Variants in WASF3 observed in about 807,000 individuals in gnomAD.
The protein encoded by WASF3 is actin-binding protein WASF3.
In WASF3, 11 loss-of-function variants were observed where a neutral mutation model predicts 46.6. The observed-to-expected ratio is 0.24, with a 90% confidence interval of 0.15 to 0.39. The LOEUF (loss-of-function observed/expected upper bound fraction) is 0.39, where lower values mean the gene tolerates loss of function less well. Among genes scored for constraint, WASF3 ranks in the 10% least tolerant of loss-of-function variants. The probability of loss-of-function intolerance (pLI) is 1.00; values close to 1 mark genes in which losing one functional copy is unlikely to be tolerated. For synonymous variants in WASF3, 242 were observed against 259.7 expected, an observed-to-expected ratio of 0.93 and a Z score of 0.65; for missense variants, 576 against 669.8, an observed-to-expected ratio of 0.86 and a Z score of 1.55.
chr13:26,668,443 G>A (rs1882834815), intron 5 of WASF3, among the ~76,000 whole-genome samples: 1 of 152,230 alleles, frequency 6.6e-6, no homozygotes, highest in Admixed American at 6.5e-5. Context: ...ACAAGCACAG[G>A]CTGTGGTGAC....
intron 1 of WASF3, among the ~76,000 whole-genome samples, chr13:26,574,999 G>T (rs1879750946): frequency 6.6e-6 from 1 of 151,934 alleles, no homozygotes; most frequent in African/African-American, 2.4e-5. Context: ...ACCACGCCCG[G>T]CTAATTTTTT....
At chr13:26,618,425 A>AT (rs1250716912) in intron 2 of WASF3, among the ~76,000 whole-genome samples, 5 of 151,996 alleles carry the variant, frequency 3.3e-5, no homozygotes, top group African/African-American at 1.2e-4. Context: ...ATTATTATGA[A>AT]TTTGAGACAT....
chr13:26,629,075 G>T (rs1410653576), intron 2 of WASF3, among the ~76,000 whole-genome samples: 1 of 152,226 alleles, frequency 6.6e-6, no homozygotes, highest in African/African-American at 2.4e-5. Flanking sequence ...TCCTGTCGAT[G>T]GGCCCACGCT....
At chr13:26,552,958 A>T (rs895670186), upstream of WASF3, among the ~76,000 whole-genome samples, 2 of 152,244 alleles carry the variant, frequency 1.3e-5, no homozygotes, top group African/African-American at 4.8e-5. Flanking sequence ...AATTAAGAGG[A>T]TGCCTAAGCT....
At position 26,594,346 on chromosome 13, in the gene WASF3, T is replaced by C. The variant is rs532106024; in HGVS notation, c.-108-18615T>C. The stretch of plus-strand genomic sequence containing the variant: ...ATCACCATCTCCAAAAGTGTAATTA[T>C]TTTTCCATCAAAACCTGCTCTTTGC... On this transcript the variant is annotated intron_variant, in intron 1 of 9. Coordinates refer to ENST00000335327, the MANE Select transcript of WASF3 (RefSeq NM_006646.6). Among the ~76,000 whole-genome samples, 14 of 152,326 alleles carry C rather than the reference T, an allele frequency of 9.2e-5. No individual in the cohort carries two copies. The South Asian group carries it at 2.9e-3, about 32-fold the overall frequency.
chr13:26,601,376 A>G (rs1202998839), intron 1 of WASF3, among the ~76,000 whole-genome samples: 7 of 138,978 alleles, frequency 5.0e-5, no homozygotes, highest in Admixed American at 2.3e-4. Flanking sequence ...GTGGAGTTCT[A>G]TAGTCATTTA....
intron 2 of WASF3, among the ~76,000 whole-genome samples, chr13:26,627,917 T>TA (rs1566055844): frequency 6.7e-6 from 1 of 149,398 alleles, no homozygotes; most frequent in East Asian, 2.0e-4. Flanking sequence ...AAAAATAAAA[T>TA]AAAATAAAAT....
upstream of WASF3, among the ~76,000 whole-genome samples, chr13:26,555,604 A>C (rs1288159821): frequency 6.6e-6 from 1 of 152,152 alleles, no homozygotes; most frequent in Non-Finnish European, 1.5e-5. Flanking sequence ...CCATCCCCCT[A>C]CCATTTTCCT....
chr13:26,608,245 T>C (rs1880863018), intron 1 of WASF3, among the ~76,000 whole-genome samples: 1 of 152,200 alleles, frequency 6.6e-6, no homozygotes, highest in South Asian at 2.1e-4. Context: ...TAGGCAGTTA[T>C]TCATTAAATG....
chr13:26,569,432 G>C (rs1879568046), intron 1 of WASF3, among the ~76,000 whole-genome samples: 1 of 152,144 alleles, frequency 6.6e-6, no homozygotes, highest in South Asian at 2.1e-4. Flanking sequence ...AAGGTAGCTA[G>C]AAAACCTTTT....
the WASF3 span, among the ~76,000 whole-genome samples, chr13:26,542,094 C>T: frequency 6.6e-6 from 1 of 151,070 alleles, no homozygotes; most frequent in African/African-American, 2.4e-5. Context: ...ACCGAAATCT[C>T]CACCCAGGCA....
chr13:26,657,714 T>C (rs931483825), intron 3 of WASF3, among the ~76,000 whole-genome samples: 1 of 152,274 alleles, frequency 6.6e-6, no homozygotes, highest in Non-Finnish European at 1.5e-5. Context: ...TGCTCCATAA[T>C]TCAGAATTAG....
At chr13:26,553,112 T>C (rs1879004580), upstream of WASF3, among the ~76,000 whole-genome samples, 1 of 152,216 alleles carries the variant, frequency 6.6e-6, no homozygotes, top group Non-Finnish European at 1.5e-5. Flanking sequence ...ATCGTAATGC[T>C]AGACAGCTGC....
intron 1 of WASF3, among the ~76,000 whole-genome samples, chr13:26,582,874 C>T (rs891195439): frequency 6.6e-6 from 1 of 152,002 alleles, no homozygotes; most frequent in African/African-American, 2.4e-5. Context: ...TGTTCTGAGA[C>T]CATACCTTGG....
intron 1 of WASF3, among the ~76,000 whole-genome samples, chr13:26,583,879 CA>C (rs1880054551): frequency 6.6e-6 from 1 of 152,126 alleles, no homozygotes; most frequent in East Asian, 1.9e-4. Flanking sequence ...TCAAGTAGCC[CA>C]AAAAGGTTTG....
At chr13:26,659,991 T>C (rs1440026581) in intron 3 of WASF3, among the ~76,000 whole-genome samples, 4 of 152,064 alleles carry the variant, frequency 2.6e-5, no homozygotes, top group African/African-American at 7.2e-5. Flanking sequence ...GGTAGAAATT[T>C]AGGAATCATC....
At chr13:26,663,923 C>A (rs556562864) in intron 3 of WASF3, among the ~76,000 whole-genome samples, 19 of 152,300 alleles carry the variant, frequency 1.2e-4, no homozygotes, top group Admixed American at 9.2e-4. Flanking sequence ...GGACGGATCA[C>A]CTTTCTGATC....
chr13:26,632,080 G>C (rs1325286206), intron 2 of WASF3, among the ~76,000 whole-genome samples: 1 of 152,178 alleles, frequency 6.6e-6, no homozygotes, highest in South Asian at 2.1e-4. Flanking sequence ...GGGCTGAGAC[G>C]ATGGGGTTTT....
At chr13:26,655,794 C>T (rs1882448224) in intron 3 of WASF3, among the ~76,000 whole-genome samples, 1 of 152,024 alleles carries the variant, frequency 6.6e-6, no homozygotes, top group South Asian at 2.1e-4. Context: ...TATTTTGATC[C>T]TTACGTTTTT....
Sources: gnomAD v4.1 joint callset for allele counts (sites outside exome capture counted in the v4.1 genomes callset) on GRCh38, gnomAD v4.1.1 for gene constraint, MANE v1.5 for transcripts, NCBI Gene and HGNC (gene_info 2026-07-23, HGNC 2026-07-21) for gene names.